Variants in EXOC6B observed in about 807,000 individuals in gnomAD.
EXOC6B encodes exocyst complex component 6B.
Under a neutral mutation model 113.5 loss-of-function variants are expected in EXOC6B, and 54 were observed. That is an observed-to-expected ratio of 0.48 (90% CI 0.38 to 0.60). EXOC6B has a LOEUF of 0.60. Among genes scored for constraint, EXOC6B ranks in the 20% least tolerant of loss-of-function variants. EXOC6B has a pLI of 0.00. For synonymous variants in EXOC6B, 357 were observed against 339.0 expected, an observed-to-expected ratio of 1.05 and a Z score of -0.58; for missense variants, 797 against 977.5, an observed-to-expected ratio of 0.82 and a Z score of 2.46.
At chr2:72,633,032 C>T (rs1672578694) in intron 6 of EXOC6B, among the ~76,000 whole-genome samples, 1 of 152,196 alleles carries the variant, frequency 6.6e-6, no homozygotes, top group Admixed American at 6.5e-5. Context: ...CTAGAATGAA[C>T]TTGTACACTT....
At chr2:72,324,846 C>A (rs921183987) in intron 20 of EXOC6B, among the ~76,000 whole-genome samples, 13 of 151,890 alleles carry the variant, frequency 8.6e-5, no homozygotes, top group African/African-American at 3.1e-4. Flanking sequence ...CTTAATAGAC[C>A]GAGGCAGAAT....
chr2:72,250,772 C>T (rs1440484125), intron 20 of EXOC6B, among the ~76,000 whole-genome samples: 1 of 151,848 alleles, frequency 6.6e-6, no homozygotes, highest in East Asian at 1.9e-4. Flanking sequence ...AAAAAAACCT[C>T]AATTTCAATT....
chr2:72,401,640 TATATAC>T (rs1693309825), intron 18 of EXOC6B, among the ~76,000 whole-genome samples: 12 of 53,900 alleles, frequency 2.2e-4, no homozygotes, highest in East Asian at 7.7e-4. Flanking sequence ...TATATATACA[TATATAC>T]ATATATATAT....
At chr2:72,402,187 G>A (rs1693385798) in intron 18 of EXOC6B, among the ~76,000 whole-genome samples, 1 of 151,938 alleles carries the variant, frequency 6.6e-6, no homozygotes. Flanking sequence ...TCTCATTATA[G>A]GTCTGTTAAG....
chr2:72,758,224 G>C (rs1682554838), intron 1 of EXOC6B, among the ~76,000 whole-genome samples: 1 of 149,002 alleles, frequency 6.7e-6, no homozygotes, highest in African/African-American at 2.5e-5. Flanking sequence ...CTTAATTTGA[G>C]AATTGATGTA....
At chr2:72,315,868 T>C (rs546725083) in intron 20 of EXOC6B, among the ~76,000 whole-genome samples, 27 of 152,338 alleles carry the variant, frequency 1.8e-4, no homozygotes, top group African/African-American at 4.3e-4. Context: ...TGTTCTATTA[T>C]CATAACTGAT....
intron 5 of EXOC6B, among the ~76,000 whole-genome samples, chr2:72,723,993 G>C (rs1415571742): frequency 6.6e-6 from 1 of 152,128 alleles, no homozygotes; most frequent in Non-Finnish European, 1.5e-5. Context: ...AATCAAAACA[G>C]AGCTCAGCAG....
rs372438438 is a variant in EXOC6B, at chr2:72,733,063, G to C, written c.327+8C>G. ...AAAAGATTTCTTCAAAAGGTAAACT[G>C]GTCTTACTTCCTTTCCCTCATGTTG... On this transcript the variant is annotated splice_region_variant and intron_variant, in intron 3 of 21. Coordinates refer to ENST00000272427, the MANE Select transcript of EXOC6B (RefSeq NM_015189.3). 154 of 1,574,928 alleles carry C rather than the reference G, an allele frequency of 9.8e-5. No homozygotes were observed. The highest frequency in any genetic ancestry group is 1.3e-4 in the Non-Finnish European group (147 of 1,153,484).
At chr2:72,365,686 G>A (rs1373894784) in intron 19 of EXOC6B, among the ~76,000 whole-genome samples, 1 of 152,152 alleles carries the variant, frequency 6.6e-6, no homozygotes, top group Non-Finnish European at 1.5e-5. Flanking sequence ...GGTATTTGGT[G>A]GAGTACTAAT....
intron 6 of EXOC6B, among the ~76,000 whole-genome samples, chr2:72,639,414 C>A (rs1673072676): frequency 6.6e-6 from 1 of 152,208 alleles, no homozygotes; most frequent in Non-Finnish European, 1.5e-5. Context: ...CACAAAGTTG[C>A]CATCAAGGGC....
chr2:72,244,603 C>A (rs7592404), intron 20 of EXOC6B, among the ~76,000 whole-genome samples: 36,411 of 151,834 alleles, frequency 0.24, 7,810 homozygotes, highest in African/African-American at 0.58. Context: ...TGAAAATTGA[C>A]AAAAACCTGG....
chr2:72,693,972 G>A (rs1326590952), intron 6 of EXOC6B, among the ~76,000 whole-genome samples: 1 of 151,878 alleles, frequency 6.6e-6, no homozygotes, highest in East Asian at 1.9e-4. Context: ...TGTCATAAAA[G>A]CAGGGTGAGG....
At chr2:72,519,145 T>G (rs1439321916) in intron 8 of EXOC6B, among the ~76,000 whole-genome samples, 1 of 152,206 alleles carries the variant, frequency 6.6e-6, no homozygotes, top group African/African-American at 2.4e-5. Flanking sequence ...TCAACAGACA[T>G]GTGCAGAGGG....
chr2:72,663,177 T>C (rs1012650945), intron 6 of EXOC6B, among the ~76,000 whole-genome samples: 4 of 152,194 alleles, frequency 2.6e-5, no homozygotes, highest in Non-Finnish European at 4.4e-5. Context: ...ATCCTTACAA[T>C]GGAGTAATAC....
intron 20 of EXOC6B, among the ~76,000 whole-genome samples, chr2:72,299,633 A>G (rs1416254764): frequency 6.6e-6 from 1 of 152,066 alleles, no homozygotes; most frequent in Non-Finnish European, 1.5e-5. Context: ...TTTTTGGAAT[A>G]TTCAGCCTTT....
At chr2:72,189,796 C>A (rs1678699195) in intron 20 of EXOC6B, among the ~76,000 whole-genome samples, 2 of 141,242 alleles carry the variant, frequency 1.4e-5, no homozygotes, top group Admixed American at 1.5e-4. Context: ...TCCTTTCCTT[C>A]CTTCTTTCTC....
intron 8 of EXOC6B, among the ~76,000 whole-genome samples, chr2:72,527,744 T>C (rs963871051): frequency 6.6e-6 from 1 of 151,992 alleles, no homozygotes; most frequent in Non-Finnish European, 1.5e-5. Flanking sequence ...AGCAGTGTAG[T>C]GACTTTAATT....
At chr2:72,374,262 A>C (rs1055853659) in intron 19 of EXOC6B, among the ~76,000 whole-genome samples, 2 of 152,232 alleles carry the variant, frequency 1.3e-5, no homozygotes, top group Admixed American at 6.5e-5. Flanking sequence ...CATTCACGAT[A>C]GCCAAGATTT....
chr2:72,493,319 T>TCCC (rs10564378), intron 15 of EXOC6B, among the ~76,000 whole-genome samples: 1 of 114,928 alleles, frequency 8.7e-6, no homozygotes, highest in Non-Finnish European at 1.7e-5. Context: ...TCTGTTTTTC[T>TCCC]CCCCCCCCCC....
Sources: gnomAD v4.1 joint callset for allele counts (sites outside exome capture counted in the v4.1 genomes callset) on GRCh38, gnomAD v4.1.1 for gene constraint, MANE v1.5 for transcripts, NCBI Gene and HGNC (gene_info 2026-07-23, HGNC 2026-07-21) for gene names.